The following PDS5A variants were observed in gnomAD, a reference collection of about 807,000 sequenced individuals.
PDS5A encodes the protein PDS5 cohesin associated factor A, also known as sister chromatid cohesion protein PDS5 homolog A.
In PDS5A, 42 loss-of-function variants were observed where a neutral mutation model predicts 167.1. That is an observed-to-expected ratio of 0.25 (90% CI 0.20 to 0.33). The LOEUF (loss-of-function observed/expected upper bound fraction) is 0.33, where lower values mean the gene tolerates loss of function less well. Ranked by LOEUF, PDS5A falls within the 10% of genes least tolerant of loss-of-function variation. PDS5A has a pLI of 1.00. For missense variants in PDS5A, 1,033 were observed against 1,605.9 expected (o/e 0.64, Z 6.10); for synonymous variants, 553 against 554.6 (o/e 1.00, Z 0.04).
chr4:39,930,246 A>AAAAAAAAAAAATTTTTT, intron 2 of PDS5A, among the ~76,000 whole-genome samples: 1 of 93,088 alleles, frequency 1.1e-5, no homozygotes, highest in Non-Finnish European at 2.2e-5. Context: ...AAAAAAAAAA[A>AAAAAAAAAAAATTTTTT]GTTTTTTTGT....
intron 9 of PDS5A, among the ~76,000 whole-genome samples, chr4:39,912,164 T>A (rs2109687085): frequency 6.6e-6 from 1 of 152,324 alleles, no homozygotes; most frequent in East Asian, 1.9e-4. Context: ...AATTACAAAG[T>A]ATCAAAACAC....
chr4:39,888,190 G>A (rs2109613682), intron 17 of PDS5A, among the ~76,000 whole-genome samples: 1 of 141,028 alleles, frequency 7.1e-6, no homozygotes, highest in South Asian at 2.4e-4. Context: ...AGATTGCAGT[G>A]AGCCAAGATG....
chr4:39,887,526 T>A (rs1449373029), intron 17 of PDS5A, among the ~76,000 whole-genome samples: 1 of 152,142 alleles, frequency 6.6e-6, no homozygotes, highest in Non-Finnish European at 1.5e-5. Flanking sequence ...TTTTGAGGAT[T>A]TTTGTATCTA....
intron 26 of PDS5A, among the ~76,000 whole-genome samples, chr4:39,852,675 A>T (rs981055617): frequency 6.6e-6 from 1 of 152,106 alleles, no homozygotes; most frequent in East Asian, 1.9e-4. Flanking sequence ...AATTCCAGTT[A>T]TTCTTCCAGG....
intron 32 of PDS5A, among the ~76,000 whole-genome samples, chr4:39,829,834 C>T (rs1054326929): frequency 2.0e-5 from 3 of 151,044 alleles, no homozygotes; most frequent in Non-Finnish European, 4.4e-5. Flanking sequence ...GCCTGTGGTC[C>T]CAGCTACTCA....
chr4:39,846,710 G>A (rs1469343627), intron 28 of PDS5A: 1 of 152,134 alleles, frequency 6.6e-6, no homozygotes, highest in African/African-American at 2.4e-5. Context: ...ACAATGTTGT[G>A]TCAGTGAAGC....
intron 14 of PDS5A, among the ~76,000 whole-genome samples, chr4:39,899,079 T>C (rs1478501766): frequency 6.6e-6 from 1 of 152,156 alleles, no homozygotes; most frequent in East Asian, 1.9e-4. Flanking sequence ...CCCACAAGTA[T>C]ATAACTTTCA....
At chr4:39,899,851 T>TAAAAA (rs532738160) in intron 14 of PDS5A, among the ~76,000 whole-genome samples, 11 of 102,408 alleles carry the variant, frequency 1.1e-4, no homozygotes, top group African/African-American at 5.1e-4. Flanking sequence ...TCCTGTGTAT[T>TAAAAA]AAAAAAAAAA....
chr4:39,929,787 C>G (rs1725839439), intron 2 of PDS5A, among the ~76,000 whole-genome samples: 2 of 150,618 alleles, frequency 1.3e-5, no homozygotes, highest in Non-Finnish European at 2.9e-5. Flanking sequence ...GCTTTGTTGC[C>G]TAGGCTGGAG....
intron 2 of PDS5A, among the ~76,000 whole-genome samples, chr4:39,961,308 A>AT (rs1381290615): frequency 6.6e-6 from 1 of 151,532 alleles, no homozygotes; most frequent in Non-Finnish European, 1.5e-5. Flanking sequence ...TTATTTATTT[A>AT]TTTTTTTTGA....
At chr4:39,883,575 T>C (rs1328004478) in intron 17 of PDS5A, among the ~76,000 whole-genome samples, 1 of 152,186 alleles carries the variant, frequency 6.6e-6, no homozygotes, top group Non-Finnish European at 1.5e-5. Flanking sequence ...TCCGTTTCCA[T>C]CATCTTATTT....
intron 22 of PDS5A, among the ~76,000 whole-genome samples, chr4:39,867,757 CACACACACACACACACA>C (rs1719642983): frequency 6.7e-6 from 1 of 149,746 alleles, no homozygotes; most frequent in Non-Finnish European, 1.5e-5. Flanking sequence ...CACACACACA[CACACACACACACACACA>C]CCCCACAACT....
chr4:39,893,370 A>C (rs1380929909), intron 16 of PDS5A, among the ~76,000 whole-genome samples: 1 of 152,186 alleles, frequency 6.6e-6, no homozygotes, highest in Non-Finnish European at 1.5e-5. Context: ...TCTTTGCTCA[A>C]AGTATGTTTG....
intron 18 of PDS5A, among the ~76,000 whole-genome samples, chr4:39,878,203 C>T (rs934934372): frequency 3.0e-4 from 46 of 152,130 alleles, no homozygotes; most frequent in African/African-American, 9.9e-4. Context: ...TAAGTGTAGA[C>T]ACTGTCTCAC....
At chr4:39,886,281 G>T (rs1360432472) in intron 17 of PDS5A, among the ~76,000 whole-genome samples, 1 of 152,104 alleles carries the variant, frequency 6.6e-6, no homozygotes. Flanking sequence ...TCCTCATATT[G>T]CTTTGGCTAT....
At chr4:39,922,522 C>A in intron 6 of PDS5A, 100 bp downstream of exon 6, 1 of 1,058,820 alleles carries the variant, frequency 9.4e-7, no homozygotes, top group African/African-American at 1.6e-5. Flanking sequence ...GTCATGAGAA[C>A]AATTACATGG....
chr4:39,956,219 G>A (rs1219844633), intron 2 of PDS5A, among the ~76,000 whole-genome samples: 2 of 151,988 alleles, frequency 1.3e-5, no homozygotes, highest in East Asian at 1.9e-4. Flanking sequence ...GGCAGGGTGC[G>A]ATGGCTCACA....
chr4:39,900,512 A>G lies in PDS5A; in HGVS notation c.1500-5T>C. The G allele has an allele frequency of 1.3e-6, 2 of 1,549,194 alleles. No individual in the cohort carries two copies. Among genetic ancestry groups the G allele is most frequent in the South Asian group, 1.2e-5 (1 of 84,952 alleles). On this transcript the variant is annotated splice_polypyrimidine_tract_variant and splice_region_variant and intron_variant, in intron 13 of 32. Coordinates refer to ENST00000303538, the MANE Select transcript of PDS5A (RefSeq NM_001100399.2). The stretch of plus-strand genomic sequence containing the variant: ...TTCCACATTTCGTTGAGAGCTCTGT[A>G]AAGTTATGAATATGAAAACACACAT...
rs768656896 is a variant in PDS5A, at chr4:39,876,975, G to C, written c.2153+18C>G. On this transcript the variant is annotated intron_variant, in intron 19 of 32. Coordinates refer to ENST00000303538, the MANE Select transcript of PDS5A (RefSeq NM_001100399.2). Reference sequence around the variant, plus strand: ...TTAGAAACTTTTGTATTTACCACGGGAGAAAAAATGTACTCACGATCGTAT... The same window carrying C: ...TTAGAAACTTTTGTATTTACCACGGCAGAAAAAATGTACTCACGATCGTAT... The C allele has an allele frequency of 2.5e-6, 4 of 1,585,624 alleles. No individual in the cohort carries two copies. The Admixed American group carries it at 5.3e-5, about 21-fold the overall frequency.
Sources: allele counts gnomAD v4.1 joint callset (sites outside exome capture counted in the v4.1 genomes callset), GRCh38; gene constraint gnomAD v4.1.1; transcripts MANE v1.5; gene names NCBI Gene and HGNC (gene_info 2026-07-23, HGNC 2026-07-21).